Variants in TNS1 observed in about 807,000 individuals in gnomAD.
TNS1 encodes tensin-1.
In TNS1, 62 loss-of-function variants were observed where a neutral mutation model predicts 168.6. That is an observed-to-expected ratio of 0.37 (90% confidence interval 0.30 to 0.45). The LOEUF is 0.45. TNS1 is among the 20% of genes least tolerant of loss of function. The probability of loss-of-function intolerance (pLI) is 1.00; values close to 1 mark genes in which losing one functional copy is unlikely to be tolerated. For missense variants in TNS1, 2,240 were observed against 2,339.4 expected (o/e 0.96, Z 0.88); for synonymous variants, 934 against 933.2 (o/e 1.00, Z -0.02).
rs144860480 is a variant in TNS1, at chr2:217,814,989, G to A, written c.4652C>T (p.Pro1551Leu). 262 of 1,612,150 alleles carry A rather than the reference G, an allele frequency of 1.6e-4. No individual in the cohort carries two copies. In the African/African-American group the frequency reaches 2.2e-3, roughly 13 times the overall value. Residue 1551 changes from proline to leucine, a missense_variant, in exon 25 of 33, where the codon CCG becomes CTG. Pro to Leu is a moderately conservative substitution (Grantham distance 98). Coordinates refer to ENST00000682258, the MANE Select transcript of TNS1 (RefSeq NM_001387777.1). ...FSKYSMPDNS[P>L]ETRAKVKFVQ... The stretch of plus-strand genomic sequence containing the variant: ...AAACTTCACTTTAGCCCGCGTCTCC[G>A]GGCTGTTGTCTAAAGCAGGAGAAGG...
At chr2:218,006,199 G>A (rs949717271), upstream of TNS1, among the ~76,000 whole-genome samples, 1 of 152,254 alleles carries the variant, frequency 6.6e-6, no homozygotes, top group Non-Finnish European at 1.5e-5. Context: ...GCTGGCCCTG[G>A]GGCTGGAGGA....
At chr2:217,811,479 G>A (rs1167102296) in intron 28 of TNS1, among the ~76,000 whole-genome samples, 3 of 152,142 alleles carry the variant, frequency 2.0e-5, no homozygotes, top group Admixed American at 2.0e-4. Flanking sequence ...GGTGTTATGT[G>A]TGGGCATAGC....
intron 1 of TNS1, among the ~76,000 whole-genome samples, chr2:218,023,155 A>G (rs1958823493): frequency 6.6e-6 from 1 of 152,228 alleles, no homozygotes; most frequent in Non-Finnish European, 1.5e-5. Context: ...TGAGAACAAG[A>G]GGAAGCCCTC....
At chr2:217,987,899 A>G (rs1398479248) in intron 2 of TNS1, among the ~76,000 whole-genome samples, 1 of 152,106 alleles carries the variant, frequency 6.6e-6, no homozygotes, top group Admixed American at 6.5e-5. Flanking sequence ...GATGAGGGGA[A>G]CTATCAACCT....
At position 217,957,744 on chromosome 2, in the gene TNS1, T is replaced by C. The variant is rs376808201; in HGVS notation, c.186+21021A>G. Among the ~76,000 whole-genome samples, 32 of 150,590 alleles carry C rather than the reference T, an allele frequency of 2.1e-4. No individual in the cohort carries two copies. The East Asian group carries it at 3.5e-3, about 17-fold the overall frequency. ...AACTGTGATAATGGTATTATGGTAA[T>C]GTTAAAATAAAAAGTCCTTATCTAT... On this transcript the variant is annotated intron_variant, in intron 3 of 32. Coordinates refer to ENST00000682258, the MANE Select transcript of TNS1 (RefSeq NM_001387777.1).
intron 3 of TNS1, among the ~76,000 whole-genome samples, chr2:217,926,291 C>G (rs1465854154): frequency 6.6e-6 from 1 of 152,214 alleles, no homozygotes; most frequent in Non-Finnish European, 1.5e-5. Flanking sequence ...GCAGCCCAAG[C>G]AGACTAATAC....
chr2:217,970,555 A>G (rs904438184), intron 3 of TNS1, among the ~76,000 whole-genome samples: 1 of 152,242 alleles, frequency 6.6e-6, no homozygotes, highest in Non-Finnish European at 1.5e-5. Context: ...ATAATGGAAT[A>G]TTACTCAACC....
At chr2:217,990,298 C>T (rs2126083800) in intron 2 of TNS1, among the ~76,000 whole-genome samples, 1 of 150,230 alleles carries the variant, frequency 6.7e-6, no homozygotes, top group South Asian at 2.1e-4. Context: ...ATACCATCCA[C>T]ACACCAGCAA....
chr2:218,012,880 G>A (rs958485927), upstream of TNS1, among the ~76,000 whole-genome samples: 5 of 152,118 alleles, frequency 3.3e-5, no homozygotes, highest in Non-Finnish European at 5.9e-5. Context: ...GGAGAGTTGG[G>A]TGGGGGGTTC....
intron 3 of TNS1, among the ~76,000 whole-genome samples, chr2:217,920,563 AT>A (rs35026780): frequency 0.14 from 18,933 of 135,694 alleles, 2,206 homozygotes; most frequent in African/African-American, 0.35. Context: ...AAGAAGAAGG[AT>A]TTTTTTTTTT....
chr2:217,914,240 C>T (rs552972581), intron 4 of TNS1, among the ~76,000 whole-genome samples: 4 of 152,316 alleles, frequency 2.6e-5, no homozygotes, highest in African/African-American at 7.2e-5. Flanking sequence ...TAGTGTGGTT[C>T]TCCCTCTCCC....
At chr2:217,854,976 T>C (rs1280538982) in intron 18 of TNS1, among the ~76,000 whole-genome samples, 1 of 152,226 alleles carries the variant, frequency 6.6e-6, no homozygotes, top group African/African-American at 2.4e-5. Context: ...TGCAGGCCTG[T>C]CAGGTGAGGA....
intron 2 of TNS1, among the ~76,000 whole-genome samples, chr2:217,984,720 T>C (rs1287066923): frequency 1.3e-5 from 2 of 150,120 alleles, no homozygotes; most frequent in Non-Finnish European, 3.0e-5. Flanking sequence ...ATCGAACTCC[T>C]GGGCTCAAGT....
chr2:217,836,089 G>A lies in TNS1; in HGVS notation c.3130C>T (p.Arg1044Cys), dbSNP rs115718079. The change falls in exon 20 of 33, where the codon CGC (arginine) becomes TGC (cysteine). Residue 1044 changes from arginine (R) to cysteine (C), a missense_variant. Physicochemically the swap from Arg to Cys is radical, Grantham distance 180. This residue lies in a region of TNS1 where 2,131 missense variants were observed against 2,171.2 expected (regional missense o/e 0.98). Coordinates refer to ENST00000682258, the MANE Select transcript of TNS1 (RefSeq NM_001387777.1). ...GGGGAGACACACTGGACAGGGGAGCGAACCCCAGGGCTACGAGGGGATGTG... is the reference window on the plus strand; with the variant it reads ...GGGGAGACACACTGGACAGGGGAGCAAACCCCAGGGCTACGAGGGGATGTG... ...EATSPRSPGV[R>C]SPVQCVSPEL... 6.2e-5 allele frequency: 100 copies of A among 1,614,056 alleles called. No homozygotes were observed. The highest frequency in any genetic ancestry group is 8.1e-5 in the Non-Finnish European group (95 of 1,179,988).
intron 32 of TNS1, among the ~76,000 whole-genome samples, chr2:217,806,898 C>T (rs974875672): frequency 6.6e-6 from 1 of 152,210 alleles, no homozygotes; most frequent in South Asian, 2.1e-4. Flanking sequence ...GGCCATGAGG[C>T]CCCTCCCCTG....
At position 217,838,775 on chromosome 2, in the gene TNS1, G is replaced by A. The variant is rs1037787351; in HGVS notation, c.3008-2564C>T. Among the ~76,000 whole-genome samples the A allele has an allele frequency of 9.2e-5, 14 of 152,208 alleles. No homozygotes were observed. In the South Asian group the frequency reaches 1.7e-3, roughly 18 times the overall value. On this transcript the variant is annotated intron_variant, in intron 19 of 32. Transcript: ENST00000682258. ...TTGCTCTATGGGAGGGGAGACTGGC[G>A]TGGCAGAGGGGAGAGAAGAGAGCCC...
chr2:218,025,863 A>G (rs980511372), intron 1 of TNS1, among the ~76,000 whole-genome samples: 1 of 150,916 alleles, frequency 6.6e-6, no homozygotes, highest in East Asian at 1.9e-4. Context: ...TTCTAGATCA[A>G]CTCCACCTCC....
At chr2:217,888,078 C>T (rs746409819) in intron 12 of TNS1, among the ~76,000 whole-genome samples, 4 of 152,200 alleles carry the variant, frequency 2.6e-5, no homozygotes, top group South Asian at 2.1e-4. Flanking sequence ...GGGGCCTCCT[C>T]GGACTACTCA....
At chr2:217,954,228 C>G (rs886511182) in intron 3 of TNS1, among the ~76,000 whole-genome samples, 2 of 152,202 alleles carry the variant, frequency 1.3e-5, no homozygotes, top group Non-Finnish European at 2.9e-5. Context: ...ATTCTGGCTC[C>G]CTGGTGACCC....
Sources: gnomAD v4.1 joint callset for allele counts (sites outside exome capture counted in the v4.1 genomes callset) on GRCh38, gnomAD v4.1.1 for gene constraint, gnomAD v4.1.1 regional missense constraint, MANE v1.5 for transcripts, NCBI Gene and HGNC (gene_info 2026-07-23, HGNC 2026-07-21) for gene names.